RALYL: variants seen among roughly 807,000 people sequenced by gnomAD.
The protein encoded by RALYL is RNA-binding Raly-like protein.
In RALYL, 29 loss-of-function variants were observed where a neutral mutation model predicts 35.1. The ratio of observed to expected loss-of-function variants is 0.83; its 90% CI spans 0.61 to 1.13. The LOEUF is 1.13. RALYL is among the 50% of genes most tolerant of loss of function. RALYL has a pLI of 0.00. For synonymous variants in RALYL, 120 were observed against 127.6 expected, an observed-to-expected ratio of 0.94 and a Z score of 0.40; for missense variants, 359 against 360.4, an observed-to-expected ratio of 1.00 and a Z score of 0.03.
chr8:84,837,556 T>C (rs956491979), intron 4 of RALYL, among the ~76,000 whole-genome samples: 5 of 152,178 alleles, frequency 3.3e-5, no homozygotes, highest in Non-Finnish European at 7.4e-5. Context: ...ATAAAATTGA[T>C]TACGTATATT....
intron 2 of RALYL, among the ~76,000 whole-genome samples, chr8:84,769,296 T>C (rs1268489950): frequency 6.6e-6 from 1 of 152,208 alleles, no homozygotes; most frequent in Non-Finnish European, 1.5e-5. Flanking sequence ...TGAGTGATTC[T>C]TGGGTCTTTC....
intron 1 of RALYL, among the ~76,000 whole-genome samples, chr8:84,363,286 C>T (rs182181179): frequency 2.6e-5 from 4 of 152,268 alleles, no homozygotes; most frequent in Non-Finnish European, 5.9e-5. Flanking sequence ...AAAATCTGGT[C>T]TCTTCATCAG....
intron 2 of RALYL, among the ~76,000 whole-genome samples, chr8:84,727,542 T>C (rs1490425880): frequency 6.6e-6 from 1 of 152,014 alleles, no homozygotes; most frequent in Admixed American, 6.6e-5. Context: ...TACATATGTA[T>C]ACATGTGACA....
At chr8:84,793,684 A>G (rs538664352) in intron 3 of RALYL, among the ~76,000 whole-genome samples, 9 of 152,204 alleles carry the variant, frequency 5.9e-5, no homozygotes, top group Non-Finnish European at 1.0e-4. Context: ...ATAATATTCA[A>G]TAATCCAGGT....
intron 2 of RALYL, among the ~76,000 whole-genome samples, chr8:84,692,552 T>C (rs892011210): frequency 5.9e-5 from 9 of 152,040 alleles, no homozygotes; most frequent in Admixed American, 6.6e-5. Context: ...TTCTCACAAA[T>C]TAATCTATAG....
intron 2 of RALYL, among the ~76,000 whole-genome samples, chr8:84,744,842 G>A (rs147986041): frequency 6.8e-4 from 103 of 152,014 alleles, no homozygotes; most frequent in Non-Finnish European, 1.3e-3. Context: ...GATAAAAGAC[G>A]ATATGAAGGA....
chr8:84,199,806 A>G (rs1235315188), intron 1 of RALYL, among the ~76,000 whole-genome samples: 2 of 152,124 alleles, frequency 1.3e-5, no homozygotes, highest in Non-Finnish European at 1.5e-5. Flanking sequence ...CGTTCACTCT[A>G]GGTGTGTGAA....
intron 2 of RALYL, among the ~76,000 whole-genome samples, chr8:84,587,831 A>C (rs1406810969): frequency 6.6e-6 from 1 of 152,216 alleles, no homozygotes; most frequent in African/African-American, 2.4e-5. Flanking sequence ...ATGGCTGGAC[A>C]CATTCACAAT....
intron 1 of RALYL, among the ~76,000 whole-genome samples, chr8:84,226,172 A>G (rs1563565666): frequency 1.3e-5 from 2 of 152,110 alleles, no homozygotes; most frequent in South Asian, 4.1e-4. Context: ...CCTATTGTCA[A>G]CTGTGCATGC....
rs999846599 is a variant in RALYL, at chr8:84,634,143, C to T, written c.256+104566C>T. Among the ~76,000 whole-genome samples, 3 of 151,814 alleles carry T rather than the reference C, an allele frequency of 2.0e-5. No homozygotes were observed. The South Asian group carries it at 6.2e-4, about 31-fold the overall frequency. On this transcript the variant is annotated intron_variant, in intron 2 of 8. Coordinates refer to ENST00000521268, the MANE Select transcript of RALYL (RefSeq NM_173848.7). ...GATTAGAATTTGTATTATTAAATTT[C>T]GTATTCATGATCTCCACATCTAAAT... is the stretch of plus-strand genomic sequence containing the variant.
At chr8:84,830,986 G>C (rs1001543412) in intron 4 of RALYL, among the ~76,000 whole-genome samples, 1 of 151,798 alleles carries the variant, frequency 6.6e-6, no homozygotes, top group African/African-American at 2.4e-5. Context: ...GGAAAAGAAG[G>C]TCAATAAATG....
intron 2 of RALYL, among the ~76,000 whole-genome samples, chr8:84,661,483 C>T (rs1334550597): frequency 6.6e-6 from 1 of 151,770 alleles, no homozygotes; most frequent in Non-Finnish European, 1.5e-5. Flanking sequence ...ATTATTGTAA[C>T]AATATCTCCA....
intron 2 of RALYL, among the ~76,000 whole-genome samples, chr8:84,569,659 C>G (rs1274446856): frequency 2.0e-5 from 3 of 151,670 alleles, no homozygotes; most frequent in African/African-American, 7.3e-5. Context: ...AAATTCTTTG[C>G]CTAGGTCAAT....
chr8:84,383,166 C>A (rs149310393), intron 1 of RALYL, among the ~76,000 whole-genome samples: 1 of 151,730 alleles, frequency 6.6e-6, no homozygotes, highest in Non-Finnish European at 1.5e-5. Flanking sequence ...TAAAATATAT[C>A]GCTTCATGTC....
At chr8:84,873,184 C>A in intron 6 of RALYL, 100 bp from the exon 7 acceptor site, 1 of 585,840 alleles carries the variant, frequency 1.7e-6, no homozygotes, top group Non-Finnish European at 3.1e-6. Context: ...TGTGATTTGA[C>A]ACAGACTTGA....
chr8:84,459,178 G>A (rs1477608489), intron 1 of RALYL, among the ~76,000 whole-genome samples: 2 of 151,650 alleles, frequency 1.3e-5, no homozygotes, highest in South Asian at 2.1e-4. Flanking sequence ...ACAGAGAATT[G>A]TATGTAGTAT....
At chr8:84,345,764 A>C (rs144835394) in intron 1 of RALYL, among the ~76,000 whole-genome samples, 2,769 of 152,176 alleles carry the variant, frequency 0.018, 37 homozygotes, top group South Asian at 0.03. Flanking sequence ...GCTAGATACA[A>C]GTGTTAAATA....
chr8:84,787,149 TC>T (rs760960719), intron 3 of RALYL, among the ~76,000 whole-genome samples: 20 of 152,014 alleles, frequency 1.3e-4, no homozygotes, highest in Non-Finnish European at 2.2e-4. Context: ...CCTAATGCAA[TC>T]CCTCCCCTAG....
intron 8 of RALYL, among the ~76,000 whole-genome samples, chr8:84,899,369 T>C (rs564960001): frequency 6.6e-6 from 1 of 152,274 alleles, no homozygotes; most frequent in East Asian, 1.9e-4. Context: ...TATTTCACTT[T>C]GTATTTTTCC....
Sources: allele counts gnomAD v4.1 joint callset (sites outside exome capture counted in the v4.1 genomes callset), GRCh38; gene constraint gnomAD v4.1.1; transcripts MANE v1.5; gene names NCBI Gene and HGNC (gene_info 2026-07-23, HGNC 2026-07-21).